The following GPM6A variants were observed in gnomAD, a reference collection of about 807,000 sequenced individuals.
The protein encoded by GPM6A is neuronal membrane glycoprotein M6-a.
In GPM6A, 7 loss-of-function variants were observed where a neutral mutation model predicts 32.1. That is an observed-to-expected ratio of 0.22 (90% CI 0.12 to 0.41). The LOEUF is 0.41. GPM6A is among the 10% of genes least tolerant of loss of function. The pLI is 1.00. For missense variants in GPM6A, 235 were observed against 347.2 expected (o/e 0.68, Z 2.57); for synonymous variants, 130 against 123.4 (o/e 1.05, Z -0.35).
intron 1 of GPM6A, among the ~76,000 whole-genome samples, chr4:175,738,063 G>A (rs1178294249): frequency 1.3e-5 from 2 of 151,186 alleles, no homozygotes; most frequent in Admixed American, 6.6e-5. Context: ...TCAGCCTCCC[G>A]AATAGCTGGG....
intron 1 of GPM6A, among the ~76,000 whole-genome samples, chr4:175,865,273 C>A (rs1314145561): frequency 6.6e-6 from 1 of 152,220 alleles, no homozygotes; most frequent in African/African-American, 2.4e-5. Context: ...CATCCCTGGG[C>A]TCTCTAGTGT....
intron 2 of GPM6A, among the ~76,000 whole-genome samples, chr4:175,686,088 A>G (rs1743965772): frequency 6.6e-6 from 1 of 152,206 alleles, no homozygotes; most frequent in African/African-American, 2.4e-5. Context: ...ATGTGCCTCC[A>G]GTAAAACTAC....
chr4:175,723,970 C>T (rs34594489), intron 1 of GPM6A, among the ~76,000 whole-genome samples: 22,315 of 152,046 alleles, frequency 0.15, 1,916 homozygotes, highest in Non-Finnish European at 0.18. Context: ...TGGGTATATA[C>T]TCAAAGGAAA....
chr4:175,961,958 C>T (rs1443885254), intron 1 of GPM6A: 1 of 490,670 alleles, frequency 2.0e-6, no homozygotes, highest in African/African-American at 2.0e-5. Flanking sequence ...TGCCCCTCAC[C>T]CAACCTTACC....
At chr4:175,667,681 T>G (rs1742826641) in intron 3 of GPM6A, among the ~76,000 whole-genome samples, 1 of 152,140 alleles carries the variant, frequency 6.6e-6, no homozygotes, top group South Asian at 2.1e-4. Flanking sequence ...GTCTTTACCT[T>G]TCTGTAAATC....
intron 1 of GPM6A, among the ~76,000 whole-genome samples, chr4:175,999,609 T>C (rs530272593): frequency 6.6e-6 from 1 of 152,254 alleles, no homozygotes; most frequent in African/African-American, 2.4e-5. Flanking sequence ...AACCAATTAC[T>C]CTCATTCTTC....
At chr4:175,954,075 C>T (rs927490881) in intron 1 of GPM6A, among the ~76,000 whole-genome samples, 2 of 152,260 alleles carry the variant, frequency 1.3e-5, no homozygotes, top group Admixed American at 6.5e-5. Flanking sequence ...TTCTTCCTGG[C>T]CCGCTCTATA....
chr4:175,896,037 T>C (rs970004926), intron 1 of GPM6A, among the ~76,000 whole-genome samples: 9 of 152,244 alleles, frequency 5.9e-5, no homozygotes, highest in African/African-American at 2.2e-4. Context: ...ATATAATTTG[T>C]AGTAGCTTTG....
chr4:175,950,976 CTTT>C (rs1003650879), intron 1 of GPM6A, among the ~76,000 whole-genome samples: 1 of 152,222 alleles, frequency 6.6e-6, no homozygotes, highest in African/African-American at 2.4e-5. Flanking sequence ...ATTTGTAAGA[CTTT>C]TTTTTTTCTC....
Position 175,634,923 on chromosome 4 carries a change from C to G in GPM6A, c.819G>C (p.Arg273=), listed in dbSNP as rs748384747. Residue 273 remains arginine, a synonymous_variant, in exon 7 of 7, where the codon CGG becomes CGC. Transcript: ENST00000393658. Reference sequence around the variant, plus strand: ...GATGCATTTATGTGTATGCATTGAGCCGCTCTTTGGAGCGAGTAGAGTGGA... The same window carrying G: ...GATGCATTTATGTGTATGCATTGAGGCGCTCTTTGGAGCGAGTAGAGTGGA... ...HDIHSTRSKE[R]LNAYT 6.2e-7 allele frequency: 1 copy of G among 1,613,430 alleles called. No individual in the cohort carries two copies. Among genetic ancestry groups the G allele is most frequent in the Non-Finnish European group, 8.5e-7 (1 of 1,179,556 alleles).
intron 4 of GPM6A, among the ~76,000 whole-genome samples, chr4:175,648,175 A>G (rs1452725765): frequency 1.3e-5 from 2 of 152,014 alleles, no homozygotes; most frequent in Non-Finnish European, 1.5e-5. Context: ...AAGGTTTTTG[A>G]CTTTGAGTTG....
intron 1 of GPM6A, among the ~76,000 whole-genome samples, chr4:175,738,845 C>T (rs558048650): frequency 2.2e-4 from 34 of 151,940 alleles, no homozygotes; most frequent in African/African-American, 8.2e-4. Flanking sequence ...TGAGCTCCAC[C>T]CTCCCTACAC....
intron 1 of GPM6A, among the ~76,000 whole-genome samples, chr4:175,986,419 C>T (rs1740977209): frequency 6.6e-6 from 1 of 151,608 alleles, no homozygotes; most frequent in South Asian, 2.1e-4. Flanking sequence ...GGGTATAGTC[C>T]CAGCTACTCA....
chr4:175,914,465 G>A (rs1179532675), intron 1 of GPM6A, among the ~76,000 whole-genome samples: 2 of 152,026 alleles, frequency 1.3e-5, no homozygotes, highest in Non-Finnish European at 2.9e-5. Flanking sequence ...TGGGACTACC[G>A]GCACATGCCA....
chr4:175,682,063 T>C (rs1743717933), intron 2 of GPM6A, among the ~76,000 whole-genome samples: 1 of 152,138 alleles, frequency 6.6e-6, no homozygotes, highest in Admixed American at 6.5e-5. Flanking sequence ...ACATCGACAG[T>C]GAAGTCAAGG....
intron 1 of GPM6A, among the ~76,000 whole-genome samples, chr4:175,875,312 T>C (rs1579587205): frequency 6.6e-6 from 1 of 152,308 alleles, no homozygotes; most frequent in Middle Eastern, 3.4e-3. Flanking sequence ...ATCAAGCCAC[T>C]AAATTTTCTT....
At chr4:175,837,098 C>A (rs989158702) in intron 1 of GPM6A, among the ~76,000 whole-genome samples, 4 of 151,848 alleles carry the variant, frequency 2.6e-5, no homozygotes, top group African/African-American at 9.7e-5. Context: ...AGAGAAGAAC[C>A]ATGTGACAAA....
chr4:175,827,715 T>C, intron 1 of GPM6A, among the ~76,000 whole-genome samples: 1 of 152,212 alleles, frequency 6.6e-6, no homozygotes, highest in East Asian at 1.9e-4. Flanking sequence ...GAGTTTCAAA[T>C]GGCAGCTCAG....
intron 4 of GPM6A, among the ~76,000 whole-genome samples, chr4:175,643,411 T>C (rs76675444): frequency 0.017 from 2,535 of 152,316 alleles, 113 homozygotes; most frequent in East Asian, 0.16. Context: ...TGTCTTGTTC[T>C]ACTTCAGACA....
Sources: allele counts gnomAD v4.1 joint callset (sites outside exome capture counted in the v4.1 genomes callset), GRCh38; gene constraint gnomAD v4.1.1; transcripts MANE v1.5; gene names NCBI Gene and HGNC (gene_info 2026-07-23, HGNC 2026-07-21).